The following SENP7 variants were observed in gnomAD, a reference collection of about 807,000 sequenced individuals.
SENP7 encodes the protein SUMO specific peptidase 7.
A neutral mutation model predicts 141.2 loss-of-function variants in SENP7; 64 were observed. The observed-to-expected ratio is 0.45, with a 90% CI of 0.37 to 0.56. The LOEUF is 0.56. Among genes scored for constraint, SENP7 ranks in the 20% least tolerant of loss-of-function variants. The pLI, the probability that SENP7 is intolerant of heterozygous loss-of-function variation, is 0.00. For missense variants in SENP7, 1,025 were observed against 1,212.2 expected (o/e 0.85, Z 2.29); for synonymous variants, 382 against 426.4 (o/e 0.90, Z 1.28).
chr3:101,450,892 A>C (rs1315095431), intron 4 of SENP7, among the ~76,000 whole-genome samples: 2 of 152,200 alleles, frequency 1.3e-5, no homozygotes, highest in African/African-American at 4.8e-5. Context: ...ATAGAGACCC[A>C]AAAAACCCTT....
chr3:101,487,756 G>C (rs561791227), intron 3 of SENP7, among the ~76,000 whole-genome samples: 1 of 152,164 alleles, frequency 6.6e-6, no homozygotes, highest in East Asian at 1.9e-4. Flanking sequence ...GCCTTTCAAA[G>C]ATCAGATGGT....
intron 5 of SENP7, among the ~76,000 whole-genome samples, chr3:101,409,965 T>C (rs745568879): frequency 3.3e-5 from 5 of 152,058 alleles, no homozygotes; most frequent in African/African-American, 4.8e-5. Context: ...AGCTTTTGCA[T>C]ACCAAAAGGA....
At chr3:101,355,005 T>C (rs997499493) in intron 11 of SENP7, among the ~76,000 whole-genome samples, 6 of 152,168 alleles carry the variant, frequency 3.9e-5, no homozygotes, top group African/African-American at 1.2e-4. Context: ...CATATGCTTC[T>C]TGGCCACATG....
At chr3:101,338,121 G>A (rs1391508416) in intron 16 of SENP7, among the ~76,000 whole-genome samples, 1 of 148,678 alleles carries the variant, frequency 6.7e-6, no homozygotes, top group Non-Finnish European at 1.5e-5. Context: ...TCACTGCACT[G>A]TAGCCTGGGT....
intron 1 of SENP7, among the ~76,000 whole-genome samples, chr3:101,508,676 A>C (rs1473203649): frequency 2.6e-5 from 4 of 151,994 alleles, no homozygotes; most frequent in Non-Finnish European, 4.4e-5. Flanking sequence ...TCAAATGCAA[A>C]CCTTTCATTC....
At chr3:101,441,663 G>A (rs1338963926) in intron 4 of SENP7, among the ~76,000 whole-genome samples, 1 of 152,096 alleles carries the variant, frequency 6.6e-6, no homozygotes, top group Non-Finnish European at 1.5e-5. Flanking sequence ...ATGCTGACCA[G>A]GGACCCAAGA....
chr3:101,440,646 G>A (rs550107013), intron 4 of SENP7, among the ~76,000 whole-genome samples: 397 of 148,080 alleles, frequency 2.7e-3, no homozygotes, highest in Non-Finnish European at 4.2e-3. Context: ...CAATGAAGGA[G>A]AGAAAGTTTT....
chr3:101,451,095 C>T (rs569494968), intron 4 of SENP7, among the ~76,000 whole-genome samples: 14 of 152,144 alleles, frequency 9.2e-5, no homozygotes, highest in South Asian at 2.1e-4. Flanking sequence ...CACCTCTACG[C>T]GAATAAACTA....
chr3:101,487,970 GA>G (rs2064800813), intron 3 of SENP7, among the ~76,000 whole-genome samples: 1 of 152,030 alleles, frequency 6.6e-6, no homozygotes, highest in East Asian at 1.9e-4. Context: ...ATGAATTTTA[GA>G]ATAGTTTCTT....
At chr3:101,357,959 C>A in intron 11 of SENP7, 1 of 649,536 alleles carries the variant, frequency 1.5e-6, no homozygotes, top group South Asian at 1.7e-5. Flanking sequence ...AGCTTTTAAC[C>A]ACCCCTCACC....
chr3:101,435,445 A>G (rs559093482), intron 4 of SENP7, among the ~76,000 whole-genome samples: 2 of 152,206 alleles, frequency 1.3e-5, no homozygotes, highest in South Asian at 4.1e-4. Flanking sequence ...GAGCAATCAG[A>G]TAACAGAAAG....
At chr3:101,451,391 A>C (rs1391998326) in intron 4 of SENP7, among the ~76,000 whole-genome samples, 2 of 152,196 alleles carry the variant, frequency 1.3e-5, no homozygotes, top group Non-Finnish European at 2.9e-5. Context: ...CCTGATACCA[A>C]AGCCTGGCAG....
At chr3:101,445,926 A>G (rs148158595) in intron 4 of SENP7, among the ~76,000 whole-genome samples, 1 of 152,334 alleles carries the variant, frequency 6.6e-6, no homozygotes, top group Non-Finnish European at 1.5e-5. Context: ...ACAGACCTCA[A>G]TACAATAATA....
chr3:101,498,665 C>T (rs1276921210), intron 2 of SENP7, among the ~76,000 whole-genome samples: 1 of 152,202 alleles, frequency 6.6e-6, no homozygotes, highest in Admixed American at 6.6e-5. Flanking sequence ...ATTAGTGAAA[C>T]TGAAGAAATC....
At chr3:101,386,092 C>T (rs774732418) in intron 6 of SENP7, among the ~76,000 whole-genome samples, 2 of 152,124 alleles carry the variant, frequency 1.3e-5, no homozygotes, top group Non-Finnish European at 2.9e-5. Flanking sequence ...AGGTATCTGG[C>T]ACTTGCCTCC....
At chr3:101,418,925 C>A (rs545646605) in intron 4 of SENP7, among the ~76,000 whole-genome samples, 1 of 152,234 alleles carries the variant, frequency 6.6e-6, no homozygotes, top group Admixed American at 6.5e-5. Flanking sequence ...AGCAAAACAA[C>A]GATGCTAGTA....
intron 11 of SENP7, among the ~76,000 whole-genome samples, chr3:101,361,206 C>G (rs1259551439): frequency 7.4e-6 from 1 of 134,790 alleles, no homozygotes; most frequent in Non-Finnish European, 1.6e-5. Context: ...CAGTGAGACT[C>G]TGTCCGCCCC....
chr3:101,501,839 A>G (rs2065394066), intron 1 of SENP7, among the ~76,000 whole-genome samples: 1 of 152,244 alleles, frequency 6.6e-6, no homozygotes, highest in Non-Finnish European at 1.5e-5. Context: ...CAGAGATTCA[A>G]CATATGGTCA....
intron 6 of SENP7, among the ~76,000 whole-genome samples, chr3:101,380,445 C>CGACACACA: frequency 7.8e-6 from 1 of 128,876 alleles, no homozygotes; most frequent in East Asian, 2.4e-4. Flanking sequence ...GCCCCCCCCC[C>CGACACACA]CACACACACA....
Sources: allele counts gnomAD v4.1 joint callset (sites outside exome capture counted in the v4.1 genomes callset), GRCh38; gene constraint gnomAD v4.1.1; transcripts MANE v1.5; gene names NCBI Gene and HGNC (gene_info 2026-07-23, HGNC 2026-07-21).